Variants in UBE2O observed in about 807,000 individuals in gnomAD.
UBE2O encodes (E3-independent) E2 ubiquitin-conjugating enzyme.
In UBE2O, 15 loss-of-function variants were observed where a neutral mutation model predicts 125.8. That is an observed-to-expected ratio of 0.12 (90% CI 0.08 to 0.18). The LOEUF is 0.18. Ranked by LOEUF, UBE2O falls within the 10% of genes least tolerant of loss-of-function variation. The pLI, the probability that UBE2O is intolerant of heterozygous loss-of-function variation, is 1.00. For missense variants in UBE2O, 1,280 were observed against 1,723.6 expected (o/e 0.74, Z 4.56); for synonymous variants, 708 against 703.2 (o/e 1.01, Z -0.11).
intron 5 of UBE2O, 189 bp downstream of exon 5, chr17:76,401,873 CAA>C (rs71280851): frequency 0.053 from 8,024 of 150,744 alleles, no homozygotes; most frequent in South Asian, 0.089. Flanking sequence ...GACTCTGTCT[CAA>C]AAAAAAAAAA....
rs541156915 is a variant in UBE2O at position 76,395,470 on chromosome 17, G to C, written c.2946+255C>G. ...GCCTCCCAAAGTGCTGGGATTACGGGTGTGAGCCACTGCGCCCGGCCGAGA... is the reference window on the plus strand; with the variant it reads ...GCCTCCCAAAGTGCTGGGATTACGGCTGTGAGCCACTGCGCCCGGCCGAGA... On this transcript the variant is annotated intron_variant, in intron 15 of 17. Coordinates refer to ENST00000319380, the MANE Select transcript of UBE2O (RefSeq NM_022066.4). The surrounding 1 kb of genome is among the most constrained non-coding windows in gnomAD (Gnocchi z 5.0). 1.0e-4 allele frequency: 41 copies of C among 400,836 alleles called. No individual in the cohort carries two copies. Among genetic ancestry groups the C allele is most frequent in the African/African-American group, 8.2e-4 (40 of 48,750 alleles). 24.8% of individuals were successfully genotyped at this position (400,836 alleles called of 1,614,324 possible).
At chr17:76,426,564 A>G (rs2072813993) in intron 1 of UBE2O, among the ~76,000 whole-genome samples, 1 of 152,206 alleles carries the variant, frequency 6.6e-6, no homozygotes, top group African/African-American at 2.4e-5. Flanking sequence ...TGTGAGTTTG[A>G]AAGCTTTAAA....
At chr17:76,436,286 A>T (rs928532466) in intron 1 of UBE2O, among the ~76,000 whole-genome samples, 1 of 152,002 alleles carries the variant, frequency 6.6e-6, no homozygotes, top group Non-Finnish European at 1.5e-5. Context: ...CAAATAAAAG[A>T]CTAGAACAGC....
Position 76,399,711 on chromosome 17 carries a change from C to T in UBE2O, c.1366G>A (p.Ala456Thr), listed in dbSNP as rs760335192. The T allele has an allele frequency of 7.4e-6, 12 of 1,614,176 alleles. No homozygotes were observed. The highest frequency in any genetic ancestry group is 9.3e-6 in the Non-Finnish European group (11 of 1,180,040). Residue 456 changes from alanine (A) to threonine (T), a missense_variant, in exon 9 of 18, where the codon GCA becomes ACA. This residue lies in a region of UBE2O where 141 missense variants were observed against 141.3 expected (regional missense o/e 1.00). Coordinates refer to ENST00000319380, the MANE Select transcript of UBE2O (RefSeq NM_022066.4). The surrounding 1 kb of genome is among the most constrained non-coding windows in gnomAD (Gnocchi z 6.9). ...AGGAATGGGGGCAGCTGCTCTCCTG[C>T]CTCGTGGGGCTCCTCTGCACCCTCG... ...QDEGAEEPHEAGEQLPPFLLK... is the reference protein window; with the variant it reads ...QDEGAEEPHETGEQLPPFLLK...
rs111414508 is a variant in UBE2O at position 76,437,286 on chromosome 17, T to A, written c.417+15439A>T. On this transcript the variant is annotated intron_variant, in intron 1 of 17. Transcript: ENST00000319380. Reference sequence around the variant, plus strand: ...TAACACGGTGAAACCCCGTCTCTACTAAAAATACACAAAATTAGCCGGGCG... The same window carrying A: ...TAACACGGTGAAACCCCGTCTCTACAAAAAATACACAAAATTAGCCGGGCG... 6.6e-3 allele frequency among the ~76,000 whole-genome samples: 995 copies of A among 150,172 alleles called. 12 individuals are homozygous for A. The highest frequency in any genetic ancestry group is 0.023 in the African/African-American group (924 of 40,782).
chr17:76,406,607 C>CA (rs35739452), intron 1 of UBE2O, among the ~76,000 whole-genome samples: 2,872 of 111,992 alleles, frequency 0.026, 36 homozygotes, highest in Middle Eastern at 0.067. Context: ...ACGTGACTCA[C>CA]AAAAAAAAAA....
At position 76,402,214 on chromosome 17, in the gene UBE2O, A is replaced by AT; in HGVS notation, c.687-88dup. On this transcript the variant is annotated intron_variant, in intron 4 of 17. Transcript: ENST00000319380. The surrounding 1 kb of genome is among the most constrained non-coding windows in gnomAD (Gnocchi z 5.4). ...GATTCTGAGATGCCAATGCGCCCAC[A>AT]TGCCCTAAATAGCACAATTCGTCTT... 8.5e-7 allele frequency: 1 copy of AT among 1,181,570 alleles called. No individual in the cohort carries two copies. The highest frequency in any genetic ancestry group is 1.2e-6 in the Non-Finnish European group (1 of 809,578). 73.2% of individuals were successfully genotyped at this position (1,181,570 alleles called of 1,614,324 possible).
intron 1 of UBE2O, among the ~76,000 whole-genome samples, chr17:76,434,794 TA>T (rs150608519): frequency 1.7e-3 from 232 of 133,732 alleles, no homozygotes; most frequent in Middle Eastern, 3.6e-3. Flanking sequence ...TTTTTTTTTT[TA>T]AAAAAACAAA....
chr17:76,396,013 G>T lies in UBE2O; in HGVS notation c.2809+115C>A. The T allele has an allele frequency of 1.4e-6, 2 of 1,477,048 alleles. No homozygotes were observed. The highest frequency in any genetic ancestry group is 1.8e-6 in the Non-Finnish European group (2 of 1,082,054). 91.5% of individuals were successfully genotyped at this position (1,477,048 alleles called of 1,614,324 possible). On this transcript the variant is annotated intron_variant, in intron 14 of 17. Coordinates refer to ENST00000319380, the MANE Select transcript of UBE2O (RefSeq NM_022066.4). This position sits in a 1 kb window ranked among gnomAD's most constrained non-coding sequence, Gnocchi z 6.7. The stretch of plus-strand genomic sequence containing the variant: ...CCACACAGGGAAATGGTTTGCCCTG[G>T]GGCAGTAGCTGGGGTCTGGCGAGGG...
intron 1 of UBE2O, chr17:76,430,745 G>T: frequency 4.1e-6 from 1 of 243,228 alleles, no homozygotes; most frequent in Admixed American, 5.0e-5. Context: ...GTTAACTGAA[G>T]GTCTGCTGAA....
At chr17:76,426,954 T>C (rs2072823661) in intron 1 of UBE2O, among the ~76,000 whole-genome samples, 1 of 152,184 alleles carries the variant, frequency 6.6e-6, no homozygotes. Flanking sequence ...TTGTTCCCAT[T>C]ATTGAACGAT....
intron 13 of UBE2O, 23 bp downstream of exon 13, chr17:76,397,775 AG>A: frequency 1.2e-6 from 2 of 1,612,020 alleles, no homozygotes; most frequent in South Asian, 2.2e-5. Context: ...CAAGCTCAGC[AG>A]GGGGGTCTTG....
At position 76,400,063 on chromosome 17, in the gene UBE2O, A is replaced by G; in HGVS notation, c.1155+84T>C. 6.4e-7 allele frequency: 1 copy of G among 1,556,844 alleles called. No individual in the cohort carries two copies. The highest frequency in any genetic ancestry group is 2.2e-5 in the East Asian group (1 of 44,478). On this transcript the variant is annotated intron_variant, in intron 8 of 17. Transcript: ENST00000319380. The surrounding 1 kb of genome is among the most constrained non-coding windows in gnomAD (Gnocchi z 4.3). ...ATCAGGGCTGCCCCCCAAGGCCTAA[A>G]GCACAGACTGTCCTTCTTGGCCATG... is the stretch of plus-strand genomic sequence containing the variant.
At chr17:76,418,815 C>T (rs1306604471) in intron 1 of UBE2O, among the ~76,000 whole-genome samples, 2 of 152,116 alleles carry the variant, frequency 1.3e-5, no homozygotes, top group Admixed American at 6.5e-5. Context: ...GTGATCCACC[C>T]GCGTCGGCCT....
chr17:76,391,311 G>C lies in UBE2O; in HGVS notation c.3511C>G (p.Pro1171Ala). ...GVPKASSSPE[P>A]PAVAELSDSG... The stretch of plus-strand genomic sequence containing the variant: ...TCTGACAGCTCGGCTACAGCTGGGG[G>C]CTCTGGCGAGCTGCTGGCCTTGGGC... Residue 1171 changes from proline to alanine, a missense_variant, in exon 18 of 18, where the codon CCC (proline) becomes GCC (alanine). Physicochemically the swap from Pro to Ala is conservative, Grantham distance 27. This residue lies in a region of UBE2O where 233 missense variants were observed against 279.0 expected (regional missense o/e 0.84). Coordinates refer to ENST00000319380, the MANE Select transcript of UBE2O (RefSeq NM_022066.4). This position sits in a 1 kb window ranked among gnomAD's most constrained non-coding sequence, Gnocchi z 8.4. 1 of 1,612,888 alleles carries C rather than the reference G, an allele frequency of 6.2e-7. No homozygotes were observed. The highest frequency in any genetic ancestry group is 8.5e-7 in the Non-Finnish European group (1 of 1,180,012).
In UBE2O at chr17:76,395,786, A is replaced by G; in HGVS notation, c.2885T>C (p.Met962Thr). 1 of 1,614,238 alleles carries G rather than the reference A, an allele frequency of 6.2e-7. No homozygotes were observed. Reference protein sequence around the residue: ...KKFFSTVRKEMALLATSLPEG... With the variant: ...KKFFSTVRKETALLATSLPEG... ...AGGCAGTGAGGTAGCCAGCAGCGCC[A>G]TCTCCTTCCGCACTGTGCTGAAGAA... The change falls in exon 15 of 18, where the codon ATG becomes ACG. Residue 962 changes from methionine (M) to threonine (T), a missense_variant. Physicochemically the swap from Met to Thr is moderately conservative, Grantham distance 81. Coordinates refer to ENST00000319380, the MANE Select transcript of UBE2O (RefSeq NM_022066.4). This position sits in a 1 kb window ranked among gnomAD's most constrained non-coding sequence, Gnocchi z 5.0.
At chr17:76,451,777 GGGGTGTGT>G (rs1285155035) in intron 1 of UBE2O, among the ~76,000 whole-genome samples, 8 of 111,724 alleles carry the variant, frequency 7.2e-5, no homozygotes, top group African/African-American at 1.0e-4. Context: ...GAGATACAGG[GGGGTGTGT>G]GTGTGTGTGT....
intron 1 of UBE2O, among the ~76,000 whole-genome samples, chr17:76,432,187 C>A (rs545685817): frequency 6.6e-6 from 1 of 152,296 alleles, no homozygotes; most frequent in African/African-American, 2.4e-5. Context: ...CCCCTATCGC[C>A]AGGCACACAC....
Position 76,402,937 on chromosome 17 carries a change from T to C in UBE2O, c.589-238A>G, listed in dbSNP as rs560884922. ...AAGTGGTGGTGGTGGTGGGGCTGCC[T>C]GGAGGGAACGGGGTGGGTGATGCAG... is the stretch of plus-strand genomic sequence containing the variant. On this transcript the variant is annotated intron_variant, in intron 3 of 17. Transcript: ENST00000319380. The surrounding 1 kb of genome is among the most constrained non-coding windows in gnomAD (Gnocchi z 5.4). 5.9e-5 allele frequency among the ~76,000 whole-genome samples: 9 copies of C among 152,076 alleles called. No homozygotes were observed. In the East Asian group the frequency reaches 1.2e-3, roughly 20 times the overall value.
Sources: allele counts gnomAD v4.1 joint callset (sites outside exome capture counted in the v4.1 genomes callset), GRCh38; gene constraint gnomAD v4.1.1; regional missense constraint gnomAD v4.1.1; non-coding constraint Gnocchi (gnomAD v3.1); transcripts MANE v1.5; gene names NCBI Gene and HGNC (gene_info 2026-07-23, HGNC 2026-07-21).